The following COL22A1 variants were observed in gnomAD, a reference collection of about 807,000 sequenced individuals.
COL22A1 encodes collagen type XXII alpha 1 chain, also known as collagen alpha-1(XXII) chain.
COL22A1 carries 221 observed loss-of-function variants against 248.9 expected under a neutral mutation model. That is an observed-to-expected ratio of 0.89 (90% CI 0.80 to 0.99). The LOEUF (loss-of-function observed/expected upper bound fraction) is 0.99. COL22A1 is among the 50% of genes least tolerant of loss of function. The pLI is 0.00. For missense variants in COL22A1, 2,240 were observed against 2,179.0 expected (o/e 1.03, Z -0.56); for synonymous variants, 891 against 793.4 (o/e 1.12, Z -2.07).
intron 1 of COL22A1, among the ~76,000 whole-genome samples, chr8:138,904,328 CAG>C (rs1209352674): frequency 2.0e-5 from 3 of 152,024 alleles, no homozygotes; most frequent in Admixed American, 1.3e-4. Flanking sequence ...AAAAGCCATC[CAG>C]AGACACCCCA....
chr8:138,660,532 C>A, intron 43 of COL22A1, 52 bp from the exon 44 acceptor site: 1 of 1,484,446 alleles, frequency 6.7e-7, no homozygotes, highest in Non-Finnish European at 9.4e-7. Context: ...ACGATCCTGA[C>A]CCACTCTACC....
rs146541963 is a variant in COL22A1 at position 138,891,907 on chromosome 8, G to A, written c.-72-8663C>T. On this transcript the variant is annotated intron_variant, in intron 1 of 64. Transcript: ENST00000303045. ...GTTAACCCCTGGGAGGGAAGAGCAT[G>A]GCTTTCTTTATCCTGTTGATGTGAT... Among the ~76,000 whole-genome samples, 861 of 152,314 alleles carry A rather than the reference G, an allele frequency of 5.7e-3. 7 individuals are homozygous for A. Among genetic ancestry groups the A allele is most frequent in the African/African-American group, 0.02 (812 of 41,570 alleles).
At chr8:138,771,811 T>C (rs1043181030) in intron 16 of COL22A1, among the ~76,000 whole-genome samples, 22 of 152,208 alleles carry the variant, frequency 1.4e-4, no homozygotes, top group African/African-American at 5.1e-4. Context: ...CCAGTAGCTG[T>C]GGCAGCTGTC....
chr8:138,726,004 A>T (rs905136811), intron 23 of COL22A1, among the ~76,000 whole-genome samples: 21 of 152,194 alleles, frequency 1.4e-4, no homozygotes, highest in East Asian at 1.9e-4. Flanking sequence ...ATCAGTCCTC[A>T]CAGCTGCTTG....
intron 23 of COL22A1, 40 bp from the exon 24 acceptor site, chr8:138,725,480 T>G: frequency 6.4e-7 from 1 of 1,570,146 alleles, no homozygotes; most frequent in Non-Finnish European, 8.7e-7. Flanking sequence ...AGATGGGTCC[T>G]GATGAGCCTC....
chr8:138,693,844 A>T (rs1827277932), intron 34 of COL22A1, 145 bp from the exon 35 acceptor site: 1 of 800,102 alleles, frequency 1.2e-6, no homozygotes, highest in African/African-American at 1.7e-5. Flanking sequence ...CTAAAAGGTG[A>T]AGAAAATCAC....
At chr8:138,766,638 G>A (rs903233988) in intron 16 of COL22A1, among the ~76,000 whole-genome samples, 6 of 152,152 alleles carry the variant, frequency 3.9e-5, no homozygotes, top group East Asian at 1.9e-4. Context: ...TAAGACAGGC[G>A]CAGACAGAGA....
At chr8:138,592,193 A>G (rs1817128707) in intron 63 of COL22A1, among the ~76,000 whole-genome samples, 1 of 152,224 alleles carries the variant, frequency 6.6e-6, no homozygotes, top group Admixed American at 6.5e-5. Context: ...CACTACAGAC[A>G]TGCAGAGGAG....
intron 39 of COL22A1, among the ~76,000 whole-genome samples, chr8:138,683,856 C>T (rs763950359): frequency 6.6e-6 from 1 of 152,136 alleles, no homozygotes; most frequent in Non-Finnish European, 1.5e-5. Flanking sequence ...TTAGACCTAT[C>T]GCTCTGCCGA....
At chr8:138,656,084 G>A (rs1823234036) in intron 44 of COL22A1, 140 bp from the exon 45 acceptor site, 1 of 688,542 alleles carries the variant, frequency 1.5e-6, no homozygotes, top group East Asian at 2.6e-5. Flanking sequence ...GGACAGCCCA[G>A]TGGATGTCCC....
intron 20 of COL22A1, 95 bp from the exon 21 acceptor site, chr8:138,755,305 A>G: frequency 7.1e-7 from 1 of 1,402,764 alleles, no homozygotes; most frequent in Non-Finnish European, 1.0e-6. Flanking sequence ...CTCAAAGTTT[A>G]CTTTCCAAGT....
At position 138,646,685 on chromosome 8, in the gene COL22A1, G is replaced by GT. The variant is rs1336390810; in HGVS notation, c.3448-4dup. 1.3e-6 allele frequency: 2 copies of GT among 1,571,438 alleles called. No homozygotes were observed. The highest frequency in any genetic ancestry group is 1.7e-6 in the Non-Finnish European group (2 of 1,157,510). On this transcript the variant is annotated splice_region_variant and splice_polypyrimidine_tract_variant and intron_variant, in intron 46 of 64. Transcript: ENST00000303045. Reference sequence around the variant, plus strand: ...AGGCCTGGAGGCCCAGCCTCTCCCTGTATCAGGGATACAAGAAAAAAAAAG... The same window carrying GT: ...AGGCCTGGAGGCCCAGCCTCTCCCTGTTATCAGGGATACAAGAAAAAAAAAG...
At chr8:138,635,403 TAC>T (rs1259176412) in intron 48 of COL22A1, among the ~76,000 whole-genome samples, 1 of 152,228 alleles carries the variant, frequency 6.6e-6, no homozygotes, top group African/African-American at 2.4e-5. Flanking sequence ...TTCATTTTAT[TAC>T]AGTCTTTATT....
At chr8:138,900,082 G>C (rs1425891523) in intron 1 of COL22A1, among the ~76,000 whole-genome samples, 1 of 152,094 alleles carries the variant, frequency 6.6e-6, no homozygotes, top group African/African-American at 2.4e-5. Flanking sequence ...TTACAGCTGA[G>C]TAACCTCATG....
chr8:138,706,728 C>T (rs1430916108), intron 30 of COL22A1, among the ~76,000 whole-genome samples: 1 of 152,102 alleles, frequency 6.6e-6, no homozygotes, highest in African/African-American at 2.4e-5. Context: ...ATTAAAAGAA[C>T]TAGAGAAGCA....
intron 16 of COL22A1, among the ~76,000 whole-genome samples, chr8:138,773,288 G>A (rs1342928297): frequency 6.6e-6 from 1 of 152,174 alleles, no homozygotes; most frequent in Non-Finnish European, 1.5e-5. Flanking sequence ...TTCCCAGGCT[G>A]ATCCCGGCTT....
At chr8:138,811,755 C>A in intron 9 of COL22A1, 44 bp downstream of exon 9, 1 of 1,611,564 alleles carries the variant, frequency 6.2e-7, no homozygotes, top group Non-Finnish European at 8.5e-7. Context: ...CCCACTGCAC[C>A]ACCCAGGGTT....
intron 3 of COL22A1, among the ~76,000 whole-genome samples, chr8:138,872,958 A>G (rs1180147735): frequency 3.9e-5 from 6 of 152,222 alleles, no homozygotes; most frequent in Non-Finnish European, 5.9e-5. Flanking sequence ...ATTTTTTTCC[A>G]AGTTCGTTTC....
At chr8:138,613,991 A>G in intron 55 of COL22A1, 71 bp from the exon 56 acceptor site, 1 of 1,268,456 alleles carries the variant, frequency 7.9e-7, no homozygotes, top group South Asian at 1.2e-5. Flanking sequence ...CCAATTTCAA[A>G]TGTTAACCAA....
Sources: allele counts gnomAD v4.1 joint callset (sites outside exome capture counted in the v4.1 genomes callset), GRCh38; gene constraint gnomAD v4.1.1; transcripts MANE v1.5; gene names NCBI Gene and HGNC (gene_info 2026-07-23, HGNC 2026-07-21).